CAV1: variants seen among roughly 807,000 people sequenced by gnomAD.
CAV1 encodes caveolin 1.
A neutral mutation model predicts 16.5 loss-of-function variants in CAV1; 10 were observed. The observed-to-expected ratio is 0.61, with a 90% CI of 0.37 to 1.03. The LOEUF is 1.03. Ranked by LOEUF, CAV1 falls within the 50% of genes least tolerant of loss-of-function variation. CAV1 has a pLI of 0.01. For missense variants in CAV1, 212 were observed against 232.8 expected, an observed-to-expected ratio of 0.91 and a Z score of 0.58; for synonymous variants, 76 against 85.1, an observed-to-expected ratio of 0.89 and a Z score of 0.59.
intron 2 of CAV1, among the ~76,000 whole-genome samples, chr7:116,538,182 A>T (rs1793864653): frequency 2.6e-5 from 4 of 152,262 alleles, no homozygotes. Context: ...TTGTAAAAGC[A>T]GGAAACAATT....
chr7:116,542,188 G>A (rs553539496), intron 2 of CAV1, among the ~76,000 whole-genome samples: 3 of 152,278 alleles, frequency 2.0e-5, no homozygotes, highest in East Asian at 1.9e-4. Context: ...CCTCCTACAC[G>A]TTGCATATTC....
intron 2 of CAV1, among the ~76,000 whole-genome samples, chr7:116,534,526 A>C (rs1051581005): frequency 4.5e-4 from 66 of 146,666 alleles, no homozygotes; most frequent in African/African-American, 1.5e-3. Flanking sequence ...CAGCCTCCCA[A>C]GTAGCTGGGA....
chr7:116,559,444 ATG>A lies in CAV1; in HGVS notation c.*159_*160del. On this transcript the variant is annotated 3_prime_UTR_variant, in exon 3 of 3. Coordinates refer to ENST00000341049, the MANE Select transcript of CAV1 (RefSeq NM_001753.5). ...CACTTTCTCAGTTTTCATAAGTATT[ATG>A]TCTCTTCTGAGCTATTTCATCTATT... 1 of 642,940 alleles carries A rather than the reference ATG, an allele frequency of 1.6e-6. No homozygotes were observed. Among genetic ancestry groups the A allele is most frequent in the East Asian group, 2.7e-5 (1 of 36,854 alleles). The allele number at this position is 642,940 out of a possible 1,614,324, so 39.8% of individuals were successfully genotyped here.
At chr7:116,538,757 A>C (rs1056018728) in intron 2 of CAV1, among the ~76,000 whole-genome samples, 6 of 152,198 alleles carry the variant, frequency 3.9e-5, no homozygotes, top group Non-Finnish European at 8.8e-5. Context: ...ATGTATTTAA[A>C]AAAAGAGGTT....
chr7:116,543,649 G>A (rs1793982739), intron 2 of CAV1, among the ~76,000 whole-genome samples: 1 of 151,968 alleles, frequency 6.6e-6, no homozygotes, highest in African/African-American at 2.4e-5. Flanking sequence ...TTTTGTTTTT[G>A]CAACCAGCCA....
At chr7:116,542,742 G>A (rs1424155419) in intron 2 of CAV1, 1 of 152,140 alleles carries the variant, frequency 6.6e-6, no homozygotes, top group African/African-American at 2.4e-5. Flanking sequence ...TCCTTTGCCT[G>A]TTTATTTTTA....
rs766679821 is a variant in CAV1 at position 116,538,963 on chromosome 7, T to TTATC, written c.195+12276_195+12279dup. 7.2e-5 allele frequency among the ~76,000 whole-genome samples: 11 copies of TTATC among 152,282 alleles called. No homozygotes were observed. The East Asian group carries it at 1.9e-3, about 27-fold the overall frequency. ...TGGGGGAACCGCCACCATGATTCAATTATCTCCCACAAAATGGGAAAATTA... is the reference window on the plus strand; with the variant it reads ...TGGGGGAACCGCCACCATGATTCAATTATCTATCTCCCACAAAATGGGAAAATTA... On this transcript the variant is annotated intron_variant, in intron 2 of 2. Coordinates refer to ENST00000341049, the MANE Select transcript of CAV1 (RefSeq NM_001753.5).
rs139173495 is a variant in CAV1 at position 116,547,808 on chromosome 7, A to G, written c.196-11138A>G. On this transcript the variant is annotated intron_variant, in intron 2 of 2. Transcript: ENST00000341049. ...GCAGGCAGTGCCCTAAACGTTTTGC[A>G]TAAATTAACTGATGCCCAGAGCAAC... Among the ~76,000 whole-genome samples the G allele has an allele frequency of 3.5e-4, 53 of 152,312 alleles. 1 individual carries two copies. The highest frequency in any genetic ancestry group is 1.2e-3 in the African/African-American group (51 of 41,564).
At chr7:116,546,034 G>C (rs181221556) in intron 2 of CAV1, among the ~76,000 whole-genome samples, 1 of 152,308 alleles carries the variant, frequency 6.6e-6, no homozygotes, top group Admixed American at 6.5e-5. Context: ...TCTCCTCAAA[G>C]ATGGCAAACA....
chr7:116,536,939 C>T (rs921367875), intron 2 of CAV1, among the ~76,000 whole-genome samples: 1 of 137,166 alleles, frequency 7.3e-6, no homozygotes, highest in Non-Finnish European at 1.5e-5. Context: ...GGAAGCGGAG[C>T]TTGCAGTGAG....
At chr7:116,554,069 G>C (rs564599243) in intron 2 of CAV1, among the ~76,000 whole-genome samples, 13 of 152,152 alleles carry the variant, frequency 8.5e-5, no homozygotes, top group Admixed American at 6.5e-4. Flanking sequence ...GACAGCTTTG[G>C]TCATCAATTT....
chr7:116,559,769 T>C lies in CAV1; in HGVS notation c.*482T>C. The C allele has an allele frequency of 2.4e-6, 1 of 421,756 alleles. No individual in the cohort carries two copies. Among genetic ancestry groups the C allele is most frequent in the Non-Finnish European group, 4.2e-6 (1 of 240,498 alleles). 26.1% of individuals were successfully genotyped at this position (421,756 alleles called of 1,614,324 possible). On this transcript the variant is annotated 3_prime_UTR_variant, in exon 3 of 3. Coordinates refer to ENST00000341049, the MANE Select transcript of CAV1 (RefSeq NM_001753.5). ...ACTCTTTTCCCACTGTTTAAGGAGT[T>C]AGTGGATTACTGCCATTCACTTCAT...
chr7:116,548,061 T>C (rs1000726848), intron 2 of CAV1, among the ~76,000 whole-genome samples: 32 of 152,094 alleles, frequency 2.1e-4, no homozygotes, highest in Non-Finnish European at 2.6e-4. Flanking sequence ...TCAGATCTGC[T>C]CTCCTAGCAG....
intron 2 of CAV1, among the ~76,000 whole-genome samples, chr7:116,539,031 C>A (rs1393888495): frequency 6.6e-6 from 1 of 152,076 alleles, no homozygotes; most frequent in African/African-American, 2.4e-5. Flanking sequence ...GGGACACAGC[C>A]AAACCATATC....
rs971369925 is a variant in CAV1, at chr7:116,526,689, G to C, written c.195G>C (p.Lys65Asn). Residue 65 changes from lysine to asparagine, a missense_variant and splice_region_variant, in exon 2 of 3, where the codon AAG becomes AAC. By Grantham distance (94) the Lys-to-Asn change is moderately conservative. Coordinates refer to ENST00000341049, the MANE Select transcript of CAV1 (RefSeq NM_001753.5). ...AACACCTCAACGATGACGTGGTCAA[G>C]GTAAGCCAAGGCGACCAACAGGGAA... ...DPKHLNDDVVKIDFEDVIAEP... is the reference protein window; with the variant it reads ...DPKHLNDDVVNIDFEDVIAEP... The C allele has an allele frequency of 2.5e-6, 4 of 1,613,964 alleles. No individual in the cohort carries two copies. Among genetic ancestry groups the C allele is most frequent in the Admixed American group, 1.7e-5 (1 of 60,004 alleles).
chr7:116,548,340 A>C (rs1342310323), intron 2 of CAV1, among the ~76,000 whole-genome samples: 3 of 152,358 alleles, frequency 2.0e-5, no homozygotes, highest in Non-Finnish European at 4.4e-5. Flanking sequence ...ATGACAACAC[A>C]GTGAGGACTC....
intron 2 of CAV1, among the ~76,000 whole-genome samples, chr7:116,529,421 G>A (rs886744879): frequency 1.3e-5 from 2 of 152,156 alleles, no homozygotes; most frequent in African/African-American, 2.4e-5. Flanking sequence ...CAGTTCCTTA[G>A]TCACACTAGC....
At chr7:116,535,055 A>T (rs921773103) in intron 2 of CAV1, among the ~76,000 whole-genome samples, 1 of 152,164 alleles carries the variant, frequency 6.6e-6, no homozygotes, top group Non-Finnish European at 1.5e-5. Flanking sequence ...AGAGCCTCAG[A>T]GTGACCTAGG....
At chr7:116,555,474 AGGAG>A (rs1467569024) in intron 2 of CAV1, among the ~76,000 whole-genome samples, 1 of 40,280 alleles carries the variant, frequency 2.5e-5, no homozygotes. Flanking sequence ...GAAGGAAGGA[AGGAG>A]GAAAGAAAAG....
Sources: gnomAD v4.1 joint callset for allele counts (sites outside exome capture counted in the v4.1 genomes callset) on GRCh38, gnomAD v4.1.1 for gene constraint, MANE v1.5 for transcripts, NCBI Gene and HGNC (gene_info 2026-07-23, HGNC 2026-07-21) for gene names.